Variants in MBNL2 observed in about 807,000 individuals in gnomAD.
MBNL2 encodes muscleblind like splicing regulator 2.
A neutral mutation model predicts 41.9 loss-of-function variants in MBNL2; 17 were observed. The observed-to-expected ratio is 0.41, with a 90% confidence interval of 0.28 to 0.61. MBNL2 has a LOEUF of 0.61. MBNL2 is among the 20% of genes least tolerant of loss of function. The pLI is 0.35. For synonymous variants in MBNL2, 195 were observed against 182.9 expected (o/e 1.07, Z -0.53); for missense variants, 336 against 505.6 (o/e 0.66, Z 3.22).
At chr13:97,303,998 A>G (rs1422440356) in intron 2 of MBNL2, among the ~76,000 whole-genome samples, 1 of 152,218 alleles carries the variant, frequency 6.6e-6, no homozygotes, top group Non-Finnish European at 1.5e-5. Flanking sequence ...TGAATAAGTG[A>G]CACTGTTGTG....
rs1001468236 is a variant in MBNL2, at chr13:97,339,882, G to A, written c.340-3134G>A. Among the ~76,000 whole-genome samples, 289 of 142,046 alleles carry A rather than the reference G, an allele frequency of 2.0e-3. 13 individuals carry two copies. Among genetic ancestry groups the A allele is most frequent in the African/African-American group, 7.4e-3 (277 of 37,448 alleles). 93.2% of individuals were successfully genotyped at this position (142,046 alleles called of 152,430 possible). A position where few individuals can be genotyped will look rare whatever the true frequency, so the allele number is the denominator to read the frequency against. Reference sequence around the variant, plus strand: ...ACTGATTTGTGTGTGGGCGGGGGGGGCGTTGTTTTTCCTCTTTTGTTTTAA... The same window carrying A: ...ACTGATTTGTGTGTGGGCGGGGGGGACGTTGTTTTTCCTCTTTTGTTTTAA... On this transcript the variant is annotated intron_variant, in intron 3 of 8. Coordinates refer to ENST00000679496, the MANE Select transcript of MBNL2 (RefSeq NM_001382683.1).
chr13:97,275,216 A>G (rs1331728347), intron 1 of MBNL2, among the ~76,000 whole-genome samples: 1 of 152,224 alleles, frequency 6.6e-6, no homozygotes, highest in African/African-American at 2.4e-5. Flanking sequence ...ACTTCATTCA[A>G]AATGACAATA....
intron 8 of MBNL2, among the ~76,000 whole-genome samples, chr13:97,382,672 AT>A (rs72001733): frequency 0.092 from 11,579 of 125,560 alleles, 816 homozygotes; most frequent in African/African-American, 0.28. Context: ...TCTGCCAACT[AT>A]TTTTTTTTTT....
chr13:97,212,268 A>T, the MBNL2 span, among the ~76,000 whole-genome samples: 14,570 of 151,902 alleles, frequency 0.096, 1,395 homozygotes, highest in African/African-American at 0.25. Context: ...CTTGGAACAC[A>T]CTTCTCCAGA....
chr13:97,161,299 G>A, the MBNL2 span, among the ~76,000 whole-genome samples: 4 of 152,080 alleles, frequency 2.6e-5, no homozygotes, highest in East Asian at 7.7e-4. Flanking sequence ...ACAAGCTTTG[G>A]GGTCCATTCT....
the MBNL2 span, among the ~76,000 whole-genome samples, chr13:97,215,784 T>C: frequency 1.3e-5 from 2 of 152,324 alleles, no homozygotes; most frequent in East Asian, 1.9e-4. Flanking sequence ...AAAAAAATTA[T>C]GGAATACCAA....
intron 2 of MBNL2, among the ~76,000 whole-genome samples, chr13:97,281,704 G>A (rs1184666356): frequency 6.6e-6 from 1 of 152,202 alleles, no homozygotes; most frequent in Non-Finnish European, 1.5e-5. Context: ...TATAATCTCA[G>A]ACAAATTGTT....
At chr13:97,292,133 G>A (rs1263455154) in intron 2 of MBNL2, among the ~76,000 whole-genome samples, 2 of 149,290 alleles carry the variant, frequency 1.3e-5, no homozygotes, top group African/African-American at 2.5e-5. Context: ...CCCGGGACGC[G>A]GAGCTTGAAG....
upstream of MBNL2, among the ~76,000 whole-genome samples, chr13:97,221,008 A>G (rs2040812629): frequency 6.6e-6 from 1 of 152,230 alleles, no homozygotes; most frequent in South Asian, 2.1e-4. Context: ...GAAGACAAAG[A>G]ATGTAAGTAT....
At chr13:97,232,925 T>C (rs1049986210) in intron 1 of MBNL2, among the ~76,000 whole-genome samples, 1 of 149,912 alleles carries the variant, frequency 6.7e-6, no homozygotes, top group Non-Finnish European at 1.5e-5. Context: ...AACAACTTGA[T>C]GGATCTCAAC....
At chr13:97,194,282 G>A in the MBNL2 span, among the ~76,000 whole-genome samples, 2 of 152,082 alleles carry the variant, frequency 1.3e-5, no homozygotes, top group African/African-American at 4.8e-5. Flanking sequence ...CTTTCCATTT[G>A]GTTCACCTTT....
At chr13:97,264,061 A>T (rs1435270607) in intron 1 of MBNL2, among the ~76,000 whole-genome samples, 2 of 141,634 alleles carry the variant, frequency 1.4e-5, no homozygotes, top group Non-Finnish European at 3.0e-5. Context: ...CCCAGGCGGG[A>T]GTGCACTGAT....
chr13:97,312,308 A>G (rs1025295384), intron 2 of MBNL2, among the ~76,000 whole-genome samples: 2 of 152,216 alleles, frequency 1.3e-5, no homozygotes, highest in African/African-American at 4.8e-5. Context: ...ATATCCTCTC[A>G]TGATTAAAAC....
chr13:97,149,518 C>T, the MBNL2 span, among the ~76,000 whole-genome samples: 2 of 152,164 alleles, frequency 1.3e-5, no homozygotes, highest in Non-Finnish European at 2.9e-5. Context: ...ACAGTCATAG[C>T]CAATAATAGC....
chr13:97,212,193 T>C, the MBNL2 span, among the ~76,000 whole-genome samples: 1 of 152,176 alleles, frequency 6.6e-6, no homozygotes, highest in African/African-American at 2.4e-5. Flanking sequence ...GCCAAAGTGG[T>C]TGCATGCAGA....
At chr13:97,222,769 G>T (rs1444428479) in intron 1 of MBNL2, among the ~76,000 whole-genome samples, 1 of 152,120 alleles carries the variant, frequency 6.6e-6, no homozygotes, top group Non-Finnish European at 1.5e-5. Context: ...GCAAAGAATC[G>T]ATTCATTTAT....
At chr13:97,168,953 G>A in the MBNL2 span, among the ~76,000 whole-genome samples, 2 of 152,148 alleles carry the variant, frequency 1.3e-5, no homozygotes. Flanking sequence ...AATTTAGACA[G>A]GTTACAGAAG....
chr13:97,290,310 A>AT (rs201807006), intron 2 of MBNL2, among the ~76,000 whole-genome samples: 13,492 of 152,232 alleles, frequency 0.089, 654 homozygotes, highest in South Asian at 0.14. Context: ...ACAGCATGTT[A>AT]GAAAGGAGAC....
chr13:97,201,090 A>G, the MBNL2 span, among the ~76,000 whole-genome samples: 3 of 152,162 alleles, frequency 2.0e-5, no homozygotes, highest in Non-Finnish European at 4.4e-5. Flanking sequence ...AAGAAAAAAA[A>G]ACTTTCTTCG....
Sources: allele counts gnomAD v4.1 joint callset (sites outside exome capture counted in the v4.1 genomes callset), GRCh38; gene constraint gnomAD v4.1.1; transcripts MANE v1.5; gene names NCBI Gene and HGNC (gene_info 2026-07-23, HGNC 2026-07-21).